BNC2: variants seen among roughly 807,000 people sequenced by gnomAD.
BNC2 encodes the protein basonuclin zinc finger protein 2.
Under a neutral mutation model 76.3 loss-of-function variants are expected in BNC2, and 20 were observed. The ratio of observed to expected loss-of-function variants is 0.26; its 90% CI spans 0.18 to 0.38. The LOEUF is 0.38. Among genes scored for constraint, BNC2 ranks in the 10% least tolerant of loss-of-function variants. The probability of loss-of-function intolerance (pLI) is 1.00; values close to 1 mark genes in which losing one functional copy is unlikely to be tolerated. For synonymous variants in BNC2, 582 were observed against 514.8 expected (o/e 1.13, Z -1.77); for missense variants, 1,382 against 1,399.8 (o/e 0.99, Z 0.20).
chr9:16,436,713 T>C lies in BNC2; in HGVS notation c.1481A>G (p.Asn494Ser). 1.2e-6 allele frequency: 2 copies of C among 1,614,110 alleles called. No homozygotes were observed. The highest frequency in any genetic ancestry group is 1.7e-6 in the Non-Finnish European group (2 of 1,180,004). ...RSRNRHSANP[N>S]PRLHMPMLRN... The stretch of plus-strand genomic sequence containing the variant: ...TAGCATAGGCATGTGAAGGCGAGGA[T>C]TGGGGTTTGCACTGTGGCGATTACG... Residue 494 changes from asparagine (N) to serine (S), a missense_variant, in exon 6 of 7, where the codon AAT becomes AGT. Asn to Ser is a conservative substitution (Grantham distance 46, BLOSUM62 1). This residue lies in a region of BNC2 where 27 missense variants were observed against 83.4 expected (regional missense o/e 0.32). Transcript: ENST00000380672.
chr9:16,598,290 T>C (rs867389038), intron 3 of BNC2, among the ~76,000 whole-genome samples: 1 of 152,182 alleles, frequency 6.6e-6, no homozygotes, highest in Non-Finnish European at 1.5e-5. Flanking sequence ...TAAGTGGACA[T>C]AACTTTTGTA....
chr9:16,713,480 C>T (rs1454792972), intron 3 of BNC2, among the ~76,000 whole-genome samples: 4 of 134,006 alleles, frequency 3.0e-5, no homozygotes, highest in Middle Eastern at 4.4e-3. Flanking sequence ...AGAAAGTTAA[C>T]TGTGACTATG....
At chr9:16,584,682 A>G (rs1819722295) in intron 3 of BNC2, among the ~76,000 whole-genome samples, 3 of 152,168 alleles carry the variant, frequency 2.0e-5, no homozygotes, top group African/African-American at 7.2e-5. Context: ...CTATAAGGAG[A>G]AACGTTTCTT....
intron 1 of BNC2, among the ~76,000 whole-genome samples, chr9:16,756,110 T>C (rs536733257): frequency 2.3e-4 from 35 of 152,352 alleles, no homozygotes; most frequent in African/African-American, 7.7e-4. Flanking sequence ...CTCAAAGGGA[T>C]GAGAAGTTAT....
At chr9:16,543,413 T>C (rs1818383828) in intron 5 of BNC2, among the ~76,000 whole-genome samples, 1 of 152,168 alleles carries the variant, frequency 6.6e-6, no homozygotes, top group Admixed American at 6.5e-5. Flanking sequence ...TATGATTTAA[T>C]CAGTGCCATC....
At chr9:16,489,522 G>A (rs1822230419) in intron 5 of BNC2, among the ~76,000 whole-genome samples, 1 of 152,140 alleles carries the variant, frequency 6.6e-6, no homozygotes, top group African/African-American at 2.4e-5. Context: ...GAGTTGAAAT[G>A]TATATGCAAA....
At chr9:16,444,384 C>T (rs368428320) in intron 5 of BNC2, among the ~76,000 whole-genome samples, 1 of 152,124 alleles carries the variant, frequency 6.6e-6, no homozygotes, top group African/African-American at 2.4e-5. Context: ...CAGGTATGTG[C>T]TATGCACACA....
intron 1 of BNC2, among the ~76,000 whole-genome samples, chr9:16,842,029 C>T (rs1436547344): frequency 1.3e-5 from 2 of 152,100 alleles, no homozygotes; most frequent in Non-Finnish European, 2.9e-5. Context: ...AGGCTGGTCT[C>T]GAACTCCTGA....
At chr9:16,500,119 G>T (rs556569356) in intron 5 of BNC2, among the ~76,000 whole-genome samples, 1 of 151,938 alleles carries the variant, frequency 6.6e-6, no homozygotes, top group East Asian at 2.0e-4. Flanking sequence ...CATGTCTCTA[G>T]CCACATGCAT....
chr9:16,758,362 T>C (rs1465237529), intron 1 of BNC2, among the ~76,000 whole-genome samples: 1 of 149,992 alleles, frequency 6.7e-6, no homozygotes, highest in Admixed American at 6.7e-5. Flanking sequence ...TTTTTTTAGA[T>C]GGAGTTTCAC....
chr9:16,573,255 A>G (rs1391024749), intron 4 of BNC2, among the ~76,000 whole-genome samples: 1 of 151,988 alleles, frequency 6.6e-6, no homozygotes, highest in Non-Finnish European at 1.5e-5. Context: ...AGAAAAAGAA[A>G]GAAATATAAT....
At chr9:16,774,982 G>GA (rs1193980646) in intron 1 of BNC2, among the ~76,000 whole-genome samples, 5 of 152,264 alleles carry the variant, frequency 3.3e-5, no homozygotes, top group Middle Eastern at 3.4e-3. Flanking sequence ...ACAGTAAAGA[G>GA]AAAAAATACA....
intron 1 of BNC2, among the ~76,000 whole-genome samples, chr9:16,794,515 T>C (rs561660786): frequency 6.6e-6 from 1 of 152,326 alleles, no homozygotes; most frequent in Non-Finnish European, 1.5e-5. Context: ...AAGATCCGTA[T>C]GACAACTGTA....
intron 1 of BNC2, among the ~76,000 whole-genome samples, chr9:16,813,874 A>G (rs140328765): frequency 6.6e-6 from 1 of 152,202 alleles, no homozygotes. Context: ...AGCAGAAATA[A>G]AAGCAATGGG....
chr9:16,504,747 T>C (rs1249082003), intron 5 of BNC2, among the ~76,000 whole-genome samples: 2 of 152,186 alleles, frequency 1.3e-5, no homozygotes, highest in African/African-American at 4.8e-5. Context: ...CTGAGGAAGC[T>C]GAGGCGGCAG....
intron 3 of BNC2, among the ~76,000 whole-genome samples, chr9:16,663,756 G>A (rs1173945697): frequency 4.6e-5 from 7 of 152,108 alleles, no homozygotes; most frequent in African/African-American, 1.7e-4. Flanking sequence ...AAATTTTAAA[G>A]AGTCAGGTGT....
At chr9:16,446,730 C>T (rs1380158215) in intron 5 of BNC2, among the ~76,000 whole-genome samples, 2 of 152,020 alleles carry the variant, frequency 1.3e-5, no homozygotes, top group Non-Finnish European at 2.9e-5. Context: ...GAGTACTATG[C>T]CTTTTTTCTT....
intron 4 of BNC2, among the ~76,000 whole-genome samples, chr9:16,553,526 A>G (rs1011837813): frequency 6.6e-6 from 1 of 152,250 alleles, no homozygotes; most frequent in East Asian, 1.9e-4. Context: ...CACTTTGTTA[A>G]TAGCTCTAAG....
At chr9:16,706,927 G>C (rs1234004468) in intron 3 of BNC2, among the ~76,000 whole-genome samples, 1 of 152,226 alleles carries the variant, frequency 6.6e-6, no homozygotes, top group Non-Finnish European at 1.5e-5. Flanking sequence ...AGAAGGCTGG[G>C]CGCGGAGGCT....
Sources: allele counts gnomAD v4.1 joint callset (sites outside exome capture counted in the v4.1 genomes callset), GRCh38; gene constraint gnomAD v4.1.1; regional missense constraint gnomAD v4.1.1; transcripts MANE v1.5; gene names NCBI Gene and HGNC (gene_info 2026-07-23, HGNC 2026-07-21).